COL18A1: variants seen among roughly 807,000 people sequenced by gnomAD.
The protein encoded by COL18A1 is collagen alpha-1(XVIII) chain.
COL18A1 carries 133 observed loss-of-function variants against 168.0 expected under a neutral mutation model. The observed-to-expected ratio is 0.79, with a 90% CI of 0.69 to 0.91. COL18A1 has a LOEUF of 0.91. Among genes scored for constraint, COL18A1 ranks in the 40% least tolerant of loss-of-function variants. The probability of loss-of-function intolerance (pLI) is 0.00; values close to 1 mark genes in which losing one functional copy is unlikely to be tolerated. For synonymous variants in COL18A1, 949 were observed against 809.0 expected (o/e 1.17, Z -2.94); for missense variants, 2,126 against 1,925.4 (o/e 1.10, Z -1.95).
intron 34 of COL18A1, 47 bp downstream of exon 34, chr21:45,504,603 G>A (rs2037072961): frequency 6.5e-7 from 1 of 1,530,128 alleles, no homozygotes; most frequent in East Asian, 2.4e-5. Context: ...AGGGGTCTGG[G>A]TGCAGGAGCC....
At chr21:45,456,061 T>C (rs772165396) in intron 2 of COL18A1, 1 of 1,605,626 alleles carries the variant, frequency 6.2e-7, no homozygotes, top group East Asian at 2.2e-5. Context: ...TTCCTAGCTC[T>C]CCGGGCGCCC....
chr21:45,507,567 G>T lies in COL18A1; in HGVS notation c.3223G>T (p.Ala1075Ser), dbSNP rs2037293633. The change falls in exon 38 of 42, where the codon GCC (alanine) becomes TCC (serine). Residue 1075 changes from alanine (A) to serine (S), a missense_variant. Ala to Ser is a moderately conservative substitution (Grantham distance 99). Coordinates refer to ENST00000651438, the MANE Select transcript of COL18A1 (RefSeq NM_001379500.1). Reference sequence around the variant, plus strand: ...CCCTGCTGCTTTCTTCCAGCTGGAGGCCCGGACACCACTCCCACGAGGGAC... The same window carrying T: ...CCCTGCTGCTTTCTTCCAGCTGGAGTCCCGGACACCACTCCCACGAGGGAC... ...QNGFRKVQLE[A>S]RTPLPRGTDN... The T allele has an allele frequency of 6.2e-7, 1 of 1,612,808 alleles. No homozygotes were observed. The highest frequency in any genetic ancestry group is 1.3e-5 in the African/African-American group (1 of 74,966).
chr21:45,494,407 C>G (rs1214244074), intron 26 of COL18A1, 138 bp from the exon 27 acceptor site: 1 of 1,251,708 alleles, frequency 8.0e-7, no homozygotes, highest in African/African-American at 1.5e-5. Flanking sequence ...CCAAAGGGAC[C>G]ACAGCGGCCC....
chr21:45,432,085 G>T (rs1045186379), intron 2 of COL18A1, among the ~76,000 whole-genome samples: 1 of 152,228 alleles, frequency 6.6e-6, no homozygotes, highest in Non-Finnish European at 1.5e-5. Context: ...GTCCCCACTG[G>T]CCTCCTTCCA....
At position 45,505,181 on chromosome 21, in the gene COL18A1, T is replaced by G; in HGVS notation, c.2916T>G (p.Pro972=). ...GGGGCCAGCCCGGCCCACCTGGACC[T>G]CAGGGACCCCCCGGCATCGGCTACG... The part of the protein sequence containing the change: ...SIRGQPGPPG[P]QGPPGIGYEG... The change falls in exon 35 of 42, where the codon CCT becomes CCG. Residue 972 remains proline (P), a synonymous_variant. Transcript: ENST00000651438. 1 of 1,606,524 alleles carries G rather than the reference T, an allele frequency of 6.2e-7. No individual in the cohort carries two copies. The highest frequency in any genetic ancestry group is 8.5e-7 in the Non-Finnish European group (1 of 1,177,516).
chr21:45,415,020 A>G (rs2033402032), intron 2 of COL18A1, among the ~76,000 whole-genome samples: 1 of 152,154 alleles, frequency 6.6e-6, no homozygotes, highest in Non-Finnish European at 1.5e-5. Context: ...GAGCCTCCAG[A>G]GGACCCCTGC....
chr21:45,411,669 A>G (rs1352654473), intron 2 of COL18A1, among the ~76,000 whole-genome samples: 1 of 149,714 alleles, frequency 6.7e-6, no homozygotes, highest in Non-Finnish European at 1.5e-5. Context: ...CATAGGGAAC[A>G]GTGCACCCTT....
intron 2 of COL18A1, among the ~76,000 whole-genome samples, chr21:45,414,587 C>T (rs973652944): frequency 6.6e-6 from 1 of 152,218 alleles, no homozygotes; most frequent in African/African-American, 2.4e-5. Flanking sequence ...CGACTCTGCC[C>T]CAGGCCTGGC....
chr21:45,437,748 TCAGA>T lies in COL18A1; in HGVS notation c.107-30491_107-30488del, dbSNP rs1172451816. On this transcript the variant is annotated intron_variant, in intron 2 of 41. Coordinates refer to ENST00000651438, the MANE Select transcript of COL18A1 (RefSeq NM_001379500.1). ...CTCCTGCACACACACACTCACACAC[TCAGA>T]CACAGGCACTCTCCTGCACACACAC... Among the ~76,000 whole-genome samples, 4 of 9,848 alleles carry T rather than the reference TCAGA, an allele frequency of 4.1e-4. 1 individual carries two copies. The highest frequency in any genetic ancestry group is 1.0e-3 in the Admixed American group (1 of 984). The allele number at this position is 9,848 out of a possible 152,430, so 6.5% of individuals were successfully genotyped here.
At chr21:45,456,945 G>T in intron 2 of COL18A1, 2 of 1,287,454 alleles carry the variant, frequency 1.6e-6, no homozygotes, top group Non-Finnish European at 1.0e-6. Context: ...GTGTGGGCGG[G>T]GCTGACGTGA....
chr21:45,490,274 G>T lies in COL18A1; in HGVS notation c.1960-1G>T. The T allele has an allele frequency of 6.3e-7, 1 of 1,581,114 alleles. No homozygotes were observed. Among genetic ancestry groups the T allele is most frequent in the East Asian group, 2.3e-5 (1 of 43,396 alleles). On this transcript the variant is annotated splice_acceptor_variant, in intron 19 of 41. Coordinates refer to ENST00000651438, the MANE Select transcript of COL18A1 (RefSeq NM_001379500.1). LOFTEE classifies it high-confidence loss of function. Reference sequence around the variant, plus strand: ...CTGCGTCCTCCATGTGACCCTTTCAGGGAGAAGTTGGAGCAGATGGAGTCC... The same window carrying T: ...CTGCGTCCTCCATGTGACCCTTTCATGGAGAAGTTGGAGCAGATGGAGTCC...
At chr21:45,485,451 A>C (rs917067801) in intron 15 of COL18A1, among the ~76,000 whole-genome samples, 1 of 152,052 alleles carries the variant, frequency 6.6e-6, no homozygotes. Flanking sequence ...AGCTACAATC[A>C]TGCCACTGTG....
At chr21:45,428,647 T>C (rs2033872529) in intron 2 of COL18A1, among the ~76,000 whole-genome samples, 1 of 152,140 alleles carries the variant, frequency 6.6e-6, no homozygotes, top group African/African-American at 2.4e-5. Context: ...CCCAAGAACC[T>C]GCGAGTCCAC....
At position 45,505,819 on chromosome 21, in the gene COL18A1, C is replaced by G; in HGVS notation, c.3088-19C>G. 6.4e-7 allele frequency: 1 copy of G among 1,571,336 alleles called. No homozygotes were observed. The highest frequency in any genetic ancestry group is 2.2e-5 in the East Asian group (1 of 44,608). ...GCCCTCCCCGCCAAGCCCCACACCT[C>G]TGCATTTGGTCCCAGCAGGTGAGGC... On this transcript the variant is annotated intron_variant, in intron 36 of 41. Transcript: ENST00000651438.
chr21:45,408,182 C>T (rs1262714492), intron 2 of COL18A1: 1 of 152,274 alleles, frequency 6.6e-6, no homozygotes, highest in Non-Finnish European at 1.5e-5. Flanking sequence ...GTGCAGGCGC[C>T]AGACACTGGG....
chr21:45,418,592 G>A (rs1483529207), intron 2 of COL18A1, among the ~76,000 whole-genome samples: 1 of 151,988 alleles, frequency 6.6e-6, no homozygotes, highest in African/African-American at 2.4e-5. Flanking sequence ...GTTCCCACCT[G>A]CTCTGCACAG....
intron 2 of COL18A1, among the ~76,000 whole-genome samples, chr21:45,414,625 G>A (rs1475081020): frequency 2.0e-5 from 3 of 152,222 alleles, no homozygotes; most frequent in Admixed American, 6.5e-5. Context: ...CTCCGGGCAT[G>A]TGGCCTGAGG....
At chr21:45,475,914 G>A (rs960645778) in intron 5 of COL18A1, among the ~76,000 whole-genome samples, 2 of 152,252 alleles carry the variant, frequency 1.3e-5, no homozygotes, top group Non-Finnish European at 2.9e-5. Flanking sequence ...AGAAGGCGGC[G>A]CAGGGAGCGC....
At chr21:45,421,267 T>C in intron 2 of COL18A1, 1 of 378,464 alleles carries the variant, frequency 2.6e-6, no homozygotes, top group South Asian at 2.0e-5. Flanking sequence ...TGAAGCCAGA[T>C]CTGGGATCCC....
Sources: gnomAD v4.1 joint callset for allele counts (sites outside exome capture counted in the v4.1 genomes callset) on GRCh38, gnomAD v4.1.1 for gene constraint, MANE v1.5 for transcripts, NCBI Gene and HGNC (gene_info 2026-07-23, HGNC 2026-07-21) for gene names.